Variants in NRXN1 observed in about 807,000 individuals in gnomAD.
NRXN1 encodes the protein neurexin-1.
A neutral mutation model predicts 150.9 loss-of-function variants in NRXN1; 39 were observed. The ratio of observed to expected loss-of-function variants is 0.26; its 90% CI spans 0.20 to 0.34. The LOEUF (loss-of-function observed/expected upper bound fraction) is 0.34. NRXN1 is among the 10% of genes least tolerant of loss of function. NRXN1 has a pLI of 1.00. For missense variants in NRXN1, 1,815 were observed against 1,949.9 expected (o/e 0.93, Z 1.30); for synonymous variants, 924 against 757.0 (o/e 1.22, Z -3.62).
intron 9 of NRXN1, among the ~76,000 whole-genome samples, chr2:50,548,991 G>T (rs1478941968): frequency 6.6e-6 from 1 of 152,034 alleles, no homozygotes; most frequent in Non-Finnish European, 1.5e-5. Context: ...CTCATTATCT[G>T]TATGTCAGAA....
intron 5 of NRXN1, among the ~76,000 whole-genome samples, chr2:50,802,320 C>T (rs1051429799): frequency 1.3e-5 from 2 of 152,002 alleles, no homozygotes; most frequent in Admixed American, 6.6e-5. Context: ...GGTGAAACCA[C>T]GTCTCAACTA....
intron 21 of NRXN1, among the ~76,000 whole-genome samples, chr2:50,010,989 G>C (rs1442036927): frequency 6.6e-6 from 1 of 152,096 alleles, no homozygotes; most frequent in Non-Finnish European, 1.5e-5. Context: ...CAATAACTTT[G>C]CAACTACCAA....
intron 12 of NRXN1, among the ~76,000 whole-genome samples, chr2:50,513,763 C>T (rs1209151135): frequency 6.6e-6 from 1 of 152,024 alleles, no homozygotes; most frequent in Non-Finnish European, 1.5e-5. Flanking sequence ...ACAAAACTGG[C>T]AGATGCCTCT....
At chr2:50,839,115 CT>C (rs1259429617) in intron 5 of NRXN1, among the ~76,000 whole-genome samples, 19 of 152,114 alleles carry the variant, frequency 1.2e-4, no homozygotes, top group African/African-American at 3.9e-4. Context: ...AAGTTAATTC[CT>C]TTAAGCTATT....
chr2:49,926,225 AT>A (rs1310470783), intron 22 of NRXN1: 1 of 397,282 alleles, frequency 2.5e-6, no homozygotes, highest in Non-Finnish European at 4.4e-6. Context: ...CACTTCTGAG[AT>A]TCATTTAGCC....
chr2:50,872,766 A>G (rs543345429), intron 5 of NRXN1, among the ~76,000 whole-genome samples: 1 of 151,984 alleles, frequency 6.6e-6, no homozygotes, highest in East Asian at 2.0e-4. Context: ...CACTCTGGGC[A>G]ACAAAACAAG....
intron 22 of NRXN1, among the ~76,000 whole-genome samples, chr2:49,931,097 C>T (rs1424508649): frequency 1.3e-5 from 2 of 152,024 alleles, no homozygotes; most frequent in African/African-American, 4.8e-5. Context: ...ATGTCACTGC[C>T]CTCCAGCCTG....
intron 17 of NRXN1, among the ~76,000 whole-genome samples, chr2:50,333,462 T>A (rs915630283): frequency 5.3e-5 from 8 of 152,124 alleles, no homozygotes; most frequent in African/African-American, 1.9e-4. Context: ...AATATTAGCA[T>A]GACATCTATC....
chr2:50,481,058 C>T (rs1220146057), intron 15 of NRXN1, among the ~76,000 whole-genome samples: 2 of 152,176 alleles, frequency 1.3e-5, no homozygotes, highest in African/African-American at 4.8e-5. Context: ...ATCAGGGATA[C>T]ATGTTACAGA....
chr2:50,816,745 T>C (rs1668997547), intron 5 of NRXN1, among the ~76,000 whole-genome samples: 1 of 152,074 alleles, frequency 6.6e-6, no homozygotes, highest in Non-Finnish European at 1.5e-5. Context: ...ACTTGGGCCA[T>C]GAGTTGGTCA....
intron 8 of NRXN1, chr2:50,588,877 T>C (rs1365111674): frequency 1.3e-5 from 2 of 152,176 alleles, no homozygotes; most frequent in East Asian, 3.9e-4. Flanking sequence ...TGAAGTAGGC[T>C]CGTGTATCCA....
At chr2:50,690,009 T>C (rs974083592) in intron 5 of NRXN1, among the ~76,000 whole-genome samples, 1 of 151,754 alleles carries the variant, frequency 6.6e-6, no homozygotes, top group Non-Finnish European at 1.5e-5. Flanking sequence ...ACCTCAGCCC[T>C]GGGAGTAGGT....
chr2:50,761,644 T>C (rs1574386658), intron 5 of NRXN1, among the ~76,000 whole-genome samples: 1 of 151,840 alleles, frequency 6.6e-6, no homozygotes, highest in African/African-American at 2.4e-5. Context: ...CTTGACTGGA[T>C]TGAAGGATGT....
chr2:50,506,037 A>C (rs922877578), intron 13 of NRXN1, among the ~76,000 whole-genome samples: 7 of 152,164 alleles, frequency 4.6e-5, no homozygotes, highest in Admixed American at 1.3e-4. Flanking sequence ...AAAATAATCT[A>C]TTATAGCTTA....
intron 21 of NRXN1, among the ~76,000 whole-genome samples, chr2:49,966,357 G>C (rs951179829): frequency 1.3e-5 from 2 of 151,978 alleles, no homozygotes; most frequent in Non-Finnish European, 2.9e-5. Context: ...ATTAATGCTA[G>C]ACATGACAAT....
At chr2:50,829,497 C>T (rs968991217) in intron 5 of NRXN1, 20 of 1,597,834 alleles carry the variant, frequency 1.3e-5, no homozygotes, top group Non-Finnish European at 1.5e-5. Flanking sequence ...GAGAAAGGCG[C>T]GAATCAAAAA....
chr2:50,086,666 G>A (rs551681044), intron 19 of NRXN1, among the ~76,000 whole-genome samples: 1 of 152,160 alleles, frequency 6.6e-6, no homozygotes, highest in African/African-American at 2.4e-5. Flanking sequence ...TAATCTGTTG[G>A]CAAACATGAA....
intron 21 of NRXN1, among the ~76,000 whole-genome samples, chr2:49,969,056 A>C (rs1160468442): frequency 6.6e-6 from 1 of 152,164 alleles, no homozygotes. Context: ...TTCTGGAAAG[A>C]GATAGTAAAA....
chr2:50,373,727 C>T (rs184478298), intron 17 of NRXN1, among the ~76,000 whole-genome samples: 1 of 136,896 alleles, frequency 7.3e-6, no homozygotes, highest in Non-Finnish European at 1.6e-5. Context: ...GAAAGACAGA[C>T]AGACTAGTCA....
Sources: allele counts gnomAD v4.1 joint callset (sites outside exome capture counted in the v4.1 genomes callset), GRCh38; gene constraint gnomAD v4.1.1; transcripts MANE v1.5; gene names NCBI Gene and HGNC (gene_info 2026-07-23, HGNC 2026-07-21).